The following AHCY variants were observed in gnomAD, a reference collection of about 807,000 sequenced individuals.
The protein encoded by AHCY is adenosylhomocysteinase, also known as S-adenosyl-L-homocysteine hydrolase.
In AHCY, 24 loss-of-function variants were observed where a neutral mutation model predicts 45.4. The ratio of observed to expected loss-of-function variants is 0.53; its 90% confidence interval spans 0.38 to 0.74. The LOEUF is 0.74. AHCY is among the 30% of genes least tolerant of loss of function. The pLI, the probability that AHCY is intolerant of heterozygous loss-of-function variation, is 0.00. For synonymous variants in AHCY, 245 were observed against 235.1 expected, an observed-to-expected ratio of 1.04 and a Z score of -0.39; for missense variants, 449 against 594.1, an observed-to-expected ratio of 0.76 and a Z score of 2.54.
chr20:34,235,372 G>A, the AHCY span, among the ~76,000 whole-genome samples: 3 of 151,990 alleles, frequency 2.0e-5, no homozygotes, highest in Admixed American at 6.5e-5. Flanking sequence ...GCGGGGAGGC[G>A]GAGGTTGCAG....
the AHCY span, among the ~76,000 whole-genome samples, chr20:34,250,733 G>A: frequency 6.6e-6 from 1 of 152,100 alleles, no homozygotes; most frequent in African/African-American, 2.4e-5. Context: ...GGAGGTGGAG[G>A]TGCCTTTGCC....
At chr20:34,291,666 AC>A in intron 4 of AHCY, 135 bp from the exon 5 acceptor site, 1 of 809,114 alleles carries the variant, frequency 1.2e-6, no homozygotes, top group Non-Finnish European at 2.1e-6. Context: ...CCCCCCAATC[AC>A]CCAGACCCGC....
chr20:34,275,225 CG>C, the AHCY span, among the ~76,000 whole-genome samples: 98 of 151,286 alleles, frequency 6.5e-4, no homozygotes, highest in Admixed American at 6.1e-3. Flanking sequence ...CTCCGCCTCA[CG>C]GGTTCAAGCG....
the AHCY span, among the ~76,000 whole-genome samples, chr20:34,255,958 G>T: frequency 6.6e-6 from 1 of 151,928 alleles, no homozygotes; most frequent in Non-Finnish European, 1.5e-5. Context: ...CCTGACATCA[G>T]TCAGGCCCAC....
At chr20:34,308,563 T>A (rs943571490) in intron 1 of AHCY, among the ~76,000 whole-genome samples, 11 of 151,866 alleles carry the variant, frequency 7.2e-5, no homozygotes, top group South Asian at 4.2e-4. Context: ...AAAAAGAAAA[T>A]TTTTTTTAAG....
chr20:34,306,079 C>CAAAAAAAAA (rs56039506), upstream of AHCY, among the ~76,000 whole-genome samples: 1 of 103,104 alleles, frequency 9.7e-6, no homozygotes, highest in Non-Finnish European at 2.0e-5. Flanking sequence ...AAGACTGCCT[C>CAAAAAAAAA]AAAAAAAAAA....
the AHCY span, among the ~76,000 whole-genome samples, chr20:34,249,497 T>G: frequency 6.6e-6 from 1 of 152,172 alleles, no homozygotes; most frequent in African/African-American, 2.4e-5. Flanking sequence ...ATGATCAGTG[T>G]CAACTTTCTC....
the AHCY span, among the ~76,000 whole-genome samples, chr20:34,251,693 T>C: frequency 1.3e-5 from 2 of 152,226 alleles, no homozygotes; most frequent in Non-Finnish European, 2.9e-5. Context: ...GTTGAAATCC[T>C]CACTGCCAAG....
the AHCY span, among the ~76,000 whole-genome samples, chr20:34,243,077 G>T: frequency 6.6e-6 from 1 of 152,192 alleles, no homozygotes; most frequent in African/African-American, 2.4e-5. Flanking sequence ...TGTACACTGT[G>T]GGAATGAACA....
Position 34,303,350 on chromosome 20 carries a change from G to A in AHCY, c.-80C>T. On this transcript the variant is annotated 5_prime_UTR_variant, in exon 1 of 10. Transcript: ENST00000217426. ...ACAGGAACTGGGCGGGCAGCGCCGA[G>A]CAGGGATATGCGCGTGGCGCCGACG... 1 of 1,537,740 alleles carries A rather than the reference G, an allele frequency of 6.5e-7. No homozygotes were observed.
upstream of AHCY, among the ~76,000 whole-genome samples, chr20:34,304,536 T>G (rs908354911): frequency 6.6e-6 from 1 of 152,046 alleles, no homozygotes; most frequent in African/African-American, 2.4e-5. Context: ...TTTTTTTTTT[T>G]TTTTATGGAG....
chr20:34,295,964 G>C (rs2036566320), intron 1 of AHCY, among the ~76,000 whole-genome samples: 1 of 152,000 alleles, frequency 6.6e-6, no homozygotes, highest in Admixed American at 6.6e-5. Context: ...GATGTTAGCT[G>C]CTGGTTCTCC....
At chr20:34,249,814 G>T in the AHCY span, among the ~76,000 whole-genome samples, 11 of 152,186 alleles carry the variant, frequency 7.2e-5, no homozygotes, top group Admixed American at 5.2e-4. Flanking sequence ...CAGGGCCAGA[G>T]AACCCATTAT....
the AHCY span, among the ~76,000 whole-genome samples, chr20:34,240,971 G>A: frequency 2.0e-5 from 3 of 152,166 alleles, no homozygotes; most frequent in African/African-American, 4.8e-5. Flanking sequence ...AGGTGGGGAA[G>A]CCAGCTCTGG....
In AHCY at chr20:34,302,543, A is replaced by G. The variant is rs138035775; in HGVS notation, c.28+700T>C. 2.1e-3 allele frequency: 1,917 copies of G among 892,502 alleles called. 4 individuals carry two copies. The highest frequency in any genetic ancestry group is 3.0e-3 in the Admixed American group (49 of 16,166). The allele number at this position is 892,502 out of a possible 1,614,324, so 55.3% of individuals were successfully genotyped here. A position where few individuals can be genotyped will look rare whatever the true frequency, so the allele number is the denominator to read the frequency against. On this transcript the variant is annotated intron_variant, in intron 1 of 9. Transcript: ENST00000217426. ...AACAGTTTCCCTATAGAGCCATGAG[A>G]CTAGAATAAAGCTAGAAGGCAGTGC...
downstream of AHCY, among the ~76,000 whole-genome samples, chr20:34,276,019 G>A (rs2035907914): frequency 6.6e-6 from 1 of 152,082 alleles, no homozygotes; most frequent in African/African-American, 2.4e-5. Flanking sequence ...AGGCAAGCTG[G>A]CCTTCGTGGG....
the AHCY span, among the ~76,000 whole-genome samples, chr20:34,251,021 G>A: frequency 1.3e-5 from 2 of 152,006 alleles, no homozygotes; most frequent in Admixed American, 6.6e-5. Flanking sequence ...ATGTGTGCAC[G>A]CACGTCAACA....
chr20:34,267,525 C>T, the AHCY span, among the ~76,000 whole-genome samples: 4 of 147,382 alleles, frequency 2.7e-5, no homozygotes, highest in South Asian at 4.3e-4. Context: ...TTGCTTATGG[C>T]CACTTTATTT....
chr20:34,234,613 C>T, the AHCY span, among the ~76,000 whole-genome samples: 3 of 152,156 alleles, frequency 2.0e-5, 1 homozygote, highest in Admixed American at 2.0e-4. Flanking sequence ...ACCAGCCTGA[C>T]CAACATGGCG....
Sources: allele counts gnomAD v4.1 joint callset (sites outside exome capture counted in the v4.1 genomes callset), GRCh38; gene constraint gnomAD v4.1.1; transcripts MANE v1.5; gene names NCBI Gene and HGNC (gene_info 2026-07-23, HGNC 2026-07-21).